ANO4: variants seen among roughly 807,000 people sequenced by gnomAD.
ANO4 encodes anoctamin-4.
A neutral mutation model predicts 141.9 loss-of-function variants in ANO4; 69 were observed. The observed-to-expected ratio is 0.49, with a 90% CI of 0.40 to 0.59. The LOEUF (loss-of-function observed/expected upper bound fraction) is 0.59, where lower values mean the gene tolerates loss of function less well. Ranked by LOEUF, ANO4 falls within the 20% of genes least tolerant of loss-of-function variation. The probability of loss-of-function intolerance (pLI) is 0.00; values close to 1 mark genes in which losing one functional copy is unlikely to be tolerated. For missense variants in ANO4, 894 were observed against 1,162.2 expected (o/e 0.77, Z 3.36); for synonymous variants, 350 against 394.3 (o/e 0.89, Z 1.33).
intron 22 of ANO4, among the ~76,000 whole-genome samples, chr12:101,106,613 C>T (rs551181637): frequency 1.4e-5 from 2 of 147,488 alleles, no homozygotes; most frequent in South Asian, 4.3e-4. Context: ...TGGAAGGATG[C>T]ATGCAAAACT....
intron 3 of ANO4, among the ~76,000 whole-genome samples, chr12:100,749,816 CA>C (rs2032289854): frequency 6.6e-6 from 1 of 152,186 alleles, no homozygotes; most frequent in Non-Finnish European, 1.5e-5. Flanking sequence ...TCTTGCTACT[CA>C]AAGTGTGGTC....
At chr12:100,921,061 C>T (rs2041607931) in intron 2 of ANO4, among the ~76,000 whole-genome samples, 1 of 152,088 alleles carries the variant, frequency 6.6e-6, no homozygotes, top group Non-Finnish European at 1.5e-5. Context: ...GAGCTTGTAG[C>T]TTTGCTCTTA....
chr12:101,006,459 C>G (rs1349377531), intron 8 of ANO4, among the ~76,000 whole-genome samples: 1 of 152,256 alleles, frequency 6.6e-6, no homozygotes, highest in Non-Finnish European at 1.5e-5. Flanking sequence ...TAGTAATGCT[C>G]TTCCTAAAGT....
At chr12:100,855,069 A>G (rs1297208633) in intron 1 of ANO4, among the ~76,000 whole-genome samples, 1 of 152,114 alleles carries the variant, frequency 6.6e-6, no homozygotes, top group Non-Finnish European at 1.5e-5. Flanking sequence ...GTCCATTTGA[A>G]GTGCATCAAT....
rs529883497 is a variant in ANO4 at position 100,984,092 on chromosome 12, G to C, written c.603-3447G>C. ...AGCCCCCATGCCCAACCAGTGTCTC[G>C]GGGATTTTATTTATTTATTTATGAC... On this transcript the variant is annotated intron_variant, in intron 7 of 27. Transcript: ENST00000392977. Among the ~76,000 whole-genome samples, 69 of 152,094 alleles carry C rather than the reference G, an allele frequency of 4.5e-4. No homozygotes were observed. The East Asian group carries it at 0.013, about 28-fold the overall frequency.
intron 2 of ANO4, among the ~76,000 whole-genome samples, chr12:100,910,074 AATTCAG>A (rs750243771): frequency 6.6e-5 from 10 of 152,188 alleles, no homozygotes; most frequent in Non-Finnish European, 8.8e-5. Context: ...TATCGTTTGA[AATTCAG>A]ATTTAGCAGG....
chr12:100,860,541 T>C (rs1444705196), intron 1 of ANO4, among the ~76,000 whole-genome samples: 1 of 152,188 alleles, frequency 6.6e-6, no homozygotes, highest in East Asian at 1.9e-4. Context: ...CCTGCTTGCC[T>C]ACTTCCTTCT....
chr12:100,750,406 A>G (rs2032321759), intron 3 of ANO4, among the ~76,000 whole-genome samples: 1 of 151,784 alleles, frequency 6.6e-6, no homozygotes. Flanking sequence ...GGCTTCTCAA[A>G]GTGCTAGGAT....
chr12:100,725,119 A>C (rs2031050939), intron 1 of ANO4, among the ~76,000 whole-genome samples: 1 of 152,224 alleles, frequency 6.6e-6, no homozygotes, highest in Non-Finnish European at 1.5e-5. Flanking sequence ...GTAGTTATGC[A>C]TCATTCTTCT....
At position 101,070,709 on chromosome 12, in the gene ANO4, A is replaced by G. The variant is rs187320601; in HGVS notation, c.1313-8484A>G. 1.4e-3 allele frequency among the ~76,000 whole-genome samples: 214 copies of G among 152,288 alleles called. 1 individual carries two copies. Among genetic ancestry groups the G allele is most frequent in the Admixed American group, 3.5e-3 (54 of 15,286 alleles). Reference sequence around the variant, plus strand: ...AATCTTCTACACAGCAAAGGAAACAACATGAAGAGACAACCCACAGAACCC... The same window carrying G: ...AATCTTCTACACAGCAAAGGAAACAGCATGAAGAGACAACCCACAGAACCC... On this transcript the variant is annotated intron_variant, in intron 14 of 27. Transcript: ENST00000392977.
intron 1 of ANO4, among the ~76,000 whole-genome samples, chr12:100,888,530 A>T (rs950554942): frequency 6.6e-6 from 1 of 152,258 alleles, no homozygotes; most frequent in African/African-American, 2.4e-5. Context: ...TAGGGCCCTC[A>T]CAAGTATTCA....
chr12:100,817,696 G>C (rs1467494640), intron 1 of ANO4, among the ~76,000 whole-genome samples: 1 of 151,874 alleles, frequency 6.6e-6, no homozygotes, highest in Non-Finnish European at 1.5e-5. Flanking sequence ...CAGGTATACA[G>C]TTAGAAGACC....
intron 8 of ANO4, among the ~76,000 whole-genome samples, chr12:101,008,441 T>A (rs997936157): frequency 2.6e-5 from 4 of 152,178 alleles, no homozygotes; most frequent in Non-Finnish European, 5.9e-5. Context: ...AGAATAAGAA[T>A]TTGCTGTTTG....
chr12:101,049,236 T>C (rs1294817483), intron 14 of ANO4, among the ~76,000 whole-genome samples: 3 of 152,178 alleles, frequency 2.0e-5, no homozygotes, highest in Admixed American at 6.5e-5. Context: ...TGAATTTTGA[T>C]GTAACAAAAT....
At chr12:100,825,448 G>A (rs1174174341) in intron 1 of ANO4, among the ~76,000 whole-genome samples, 1 of 152,010 alleles carries the variant, frequency 6.6e-6, no homozygotes, top group African/African-American at 2.4e-5. Flanking sequence ...CAGTAAAAAG[G>A]AAAATCTGGA....
intron 3 of ANO4, among the ~76,000 whole-genome samples, chr12:100,938,218 A>G (rs755111546): frequency 5.9e-5 from 9 of 152,174 alleles, no homozygotes; most frequent in African/African-American, 2.2e-4. Context: ...TATTCTCTCT[A>G]TATCCAAACT....
intron 7 of ANO4, among the ~76,000 whole-genome samples, chr12:100,986,927 A>G (rs2044732116): frequency 6.6e-6 from 1 of 151,886 alleles, no homozygotes; most frequent in East Asian, 1.9e-4. Context: ...AGAGTGACAC[A>G]TGTGTGTCAC....
chr12:100,718,651 G>A (rs950426172), intron 1 of ANO4, among the ~76,000 whole-genome samples: 6 of 152,160 alleles, frequency 3.9e-5, no homozygotes, highest in Non-Finnish European at 8.8e-5. Context: ...TGCAATTGAT[G>A]CCTGGGAACC....
chr12:100,717,662 G>A, intron 1 of ANO4: 1 of 396,566 alleles, frequency 2.5e-6, no homozygotes, highest in East Asian at 3.6e-5. Flanking sequence ...GGTCTGGAAG[G>A]GAGGGAGACG....
Sources: allele counts gnomAD v4.1 joint callset (sites outside exome capture counted in the v4.1 genomes callset), GRCh38; gene constraint gnomAD v4.1.1; transcripts MANE v1.5; gene names NCBI Gene and HGNC (gene_info 2026-07-23, HGNC 2026-07-21).